Variants in RIN3 observed in about 807,000 individuals in gnomAD.
RIN3 encodes Ras and Rab interactor 3, also known as RAB5 interacting protein 3.
Under a neutral mutation model 76.3 loss-of-function variants are expected in RIN3, and 54 were observed. The observed-to-expected ratio is 0.71, with a 90% CI of 0.57 to 0.89. The LOEUF (loss-of-function observed/expected upper bound fraction) is 0.89. Among genes scored for constraint, RIN3 ranks in the 40% least tolerant of loss-of-function variants. RIN3 has a pLI of 0.00. For synonymous variants in RIN3, 576 were observed against 564.0 expected (o/e 1.02, Z -0.30); for missense variants, 1,256 against 1,322.1 (o/e 0.95, Z 0.78).
intron 1 of RIN3, among the ~76,000 whole-genome samples, chr14:92,537,474 T>C (rs1164954592): frequency 6.6e-6 from 1 of 152,136 alleles, no homozygotes; most frequent in Non-Finnish European, 1.5e-5. Context: ...CTGTGCGTCA[T>C]TTTGCATACA....
At chr14:92,677,424 C>T (rs1333949119) in intron 8 of RIN3, among the ~76,000 whole-genome samples, 1 of 152,172 alleles carries the variant, frequency 6.6e-6, no homozygotes, top group Non-Finnish European at 1.5e-5. Flanking sequence ...TCCCCTTGGG[C>T]TTTGTGGTTC....
rs5810608 is a variant in RIN3, at chr14:92,662,836, A to ATTT, written c.2335+3379_2335+3381dup. On this transcript the variant is annotated intron_variant, in intron 7 of 9. Transcript: ENST00000216487. The stretch of plus-strand genomic sequence containing the variant: ...TGAGCAGCAACATTCAAACAGCATG[A>ATTT]TTTTTTTTTTTTTTAACACGGGGTC... Among the ~76,000 whole-genome samples the ATTT allele has an allele frequency of 7.7e-4, 115 of 148,626 alleles. 1 individual carries two copies. The highest frequency in any genetic ancestry group is 5.3e-3 in the South Asian group (25 of 4,682).
At chr14:92,663,869 T>C (rs527492293) in intron 7 of RIN3, among the ~76,000 whole-genome samples, 1 of 152,082 alleles carries the variant, frequency 6.6e-6, no homozygotes, top group Non-Finnish European at 1.5e-5. Flanking sequence ...CATGTTGCGA[T>C]GCAGGGGCTG....
chr14:92,647,511 C>A (rs1320135384), intron 5 of RIN3, among the ~76,000 whole-genome samples: 2 of 152,184 alleles, frequency 1.3e-5, no homozygotes, highest in Non-Finnish European at 2.9e-5. Context: ...TGTTCTGTGG[C>A]TCTTCCAAGT....
At chr14:92,663,610 C>T (rs573997877) in intron 7 of RIN3, among the ~76,000 whole-genome samples, 214 of 152,296 alleles carry the variant, frequency 1.4e-3, no homozygotes, top group African/African-American at 4.5e-3. Flanking sequence ...CTGGGAGCAC[C>T]GTGACTCCCA....
chr14:92,665,068 G>A (rs1197654136), intron 7 of RIN3, among the ~76,000 whole-genome samples: 1 of 152,174 alleles, frequency 6.6e-6, no homozygotes, highest in Admixed American at 6.5e-5. Flanking sequence ...TTTCATTGTT[G>A]TGCAAACATT....
chr14:92,680,114 T>C (rs1294494572), intron 8 of RIN3, among the ~76,000 whole-genome samples: 1 of 151,990 alleles, frequency 6.6e-6, no homozygotes, highest in African/African-American at 2.4e-5. Context: ...ACTCAGTGTC[T>C]GGTGAGAACC....
chr14:92,652,162 C>A lies in RIN3; in HGVS notation c.1113C>A (p.Val371=), dbSNP rs556296822. Reference sequence around the variant, plus strand: ...CAGCCTCCAGTCCCTTGCAGCAGGTCCCCGCCCCGCCACTGCCTGCGAAGA... The same window carrying A: ...CAGCCTCCAGTCCCTTGCAGCAGGTACCCGCCCCGCCACTGCCTGCGAAGA... ...PGAASSPLQQ[V]PAPPLPAKKN... is the part of the protein sequence containing the mutation. Residue 371 remains valine (V), a synonymous_variant, in exon 6 of 10, where the codon GTC becomes GTA. Coordinates refer to ENST00000216487, the MANE Select transcript of RIN3 (RefSeq NM_024832.5). The surrounding 1 kb of genome is among the most constrained non-coding windows in gnomAD (Gnocchi z 6.4). The A allele has an allele frequency of 9.4e-6, 15 of 1,595,652 alleles. No homozygotes were observed. In the Admixed American group the frequency reaches 2.5e-4, roughly 27 times the overall value.
At chr14:92,515,549 A>C in intron 1 of RIN3, 1 of 437,776 alleles carries the variant, frequency 2.3e-6, no homozygotes, top group Non-Finnish European at 4.0e-6. Context: ...AAATACACAG[A>C]GTTGAATACA....
At chr14:92,517,406 C>T (rs1404959935) in intron 1 of RIN3, among the ~76,000 whole-genome samples, 3 of 152,092 alleles carry the variant, frequency 2.0e-5, no homozygotes, top group African/African-American at 7.2e-5. Flanking sequence ...CCCACAGAAC[C>T]CCATCCTTGG....
chr14:92,517,938 T>C (rs1315991219), intron 1 of RIN3, among the ~76,000 whole-genome samples: 1 of 152,080 alleles, frequency 6.6e-6, no homozygotes, highest in African/African-American at 2.4e-5. Context: ...ATTTAAAAGG[T>C]CCCTCAAGAA....
At chr14:92,679,392 G>A (rs533274238) in intron 8 of RIN3, among the ~76,000 whole-genome samples, 201 of 152,354 alleles carry the variant, frequency 1.3e-3, no homozygotes, top group African/African-American at 3.8e-3. Flanking sequence ...TGGGTGGCAC[G>A]GGCACATCCC....
chr14:92,684,195 C>T (rs1888763312), intron 8 of RIN3, among the ~76,000 whole-genome samples: 1 of 152,120 alleles, frequency 6.6e-6, no homozygotes, highest in Non-Finnish European at 1.5e-5. Context: ...GCATGGCCAG[C>T]ATGGCGACAC....
At chr14:92,631,110 G>A (rs558818316) in intron 4 of RIN3, among the ~76,000 whole-genome samples, 30 of 152,314 alleles carry the variant, frequency 2.0e-4, no homozygotes, top group Non-Finnish European at 3.8e-4. Context: ...CAGCCCTGGC[G>A]TTTAGTTAGA....
intron 1 of RIN3, among the ~76,000 whole-genome samples, chr14:92,534,263 A>G (rs986662791): frequency 1.5e-5 from 2 of 136,696 alleles, no homozygotes; most frequent in African/African-American, 5.6e-5. Flanking sequence ...TTTTTTTTAC[A>G]GATGGGGAAA....
At chr14:92,618,940 A>G (rs1566871030) in intron 4 of RIN3, among the ~76,000 whole-genome samples, 1 of 152,252 alleles carries the variant, frequency 6.6e-6, no homozygotes, top group Non-Finnish European at 1.5e-5. Context: ...GACTTATATT[A>G]TCTTGGATAC....
intron 4 of RIN3, among the ~76,000 whole-genome samples, chr14:92,629,581 C>T (rs1041445052): frequency 2.6e-5 from 4 of 152,236 alleles, no homozygotes; most frequent in African/African-American, 7.2e-5. Flanking sequence ...AGCTGAAGTG[C>T]GAACTGGCCT....
At chr14:92,594,535 G>A (rs1885091541) in intron 3 of RIN3, among the ~76,000 whole-genome samples, 1 of 151,704 alleles carries the variant, frequency 6.6e-6, no homozygotes, top group Non-Finnish European at 1.5e-5. Context: ...AAATCCAAAA[G>A]TACTTGGAGA....
intron 3 of RIN3, among the ~76,000 whole-genome samples, chr14:92,614,604 A>G (rs913497441): frequency 6.6e-6 from 1 of 151,966 alleles, no homozygotes; most frequent in Admixed American, 6.5e-5. Context: ...AGATAATTGA[A>G]TCATGGGGGC....
Sources: gnomAD v4.1 joint callset for allele counts (sites outside exome capture counted in the v4.1 genomes callset) on GRCh38, gnomAD v4.1.1 for gene constraint, Gnocchi (gnomAD v3.1) non-coding constraint, MANE v1.5 for transcripts, NCBI Gene and HGNC (gene_info 2026-07-23, HGNC 2026-07-21) for gene names.